The following BORCS5 variants were observed in gnomAD, a reference collection of about 807,000 sequenced individuals.
BORCS5 encodes the protein BLOC-1-related complex subunit 5.
In BORCS5, 17 loss-of-function variants were observed where a neutral mutation model predicts 22.1. That is an observed-to-expected ratio of 0.77 (90% CI 0.53 to 1.15). The LOEUF (loss-of-function observed/expected upper bound fraction) is 1.15, where lower values mean the gene tolerates loss of function less well. Ranked by LOEUF, BORCS5 falls within the 50% of genes most tolerant of loss-of-function variation. The pLI, the probability that BORCS5 is intolerant of heterozygous loss-of-function variation, is 0.00. For synonymous variants in BORCS5, 117 were observed against 99.8 expected, an observed-to-expected ratio of 1.17 and a Z score of -1.03; for missense variants, 247 against 253.2, an observed-to-expected ratio of 0.98 and a Z score of 0.17.
At chr12:12,432,716 T>G (rs1021309836) in intron 2 of BORCS5, among the ~76,000 whole-genome samples, 2 of 152,232 alleles carry the variant, frequency 1.3e-5, no homozygotes, top group African/African-American at 4.8e-5. Flanking sequence ...ACCATTGATA[T>G]ATCAACAACA....
rs544670563 is a variant in BORCS5, at chr12:12,399,268, A to G, written c.203-36360A>G. 6.6e-5 allele frequency among the ~76,000 whole-genome samples: 10 copies of G among 152,228 alleles called. No individual in the cohort carries two copies. In the South Asian group the frequency reaches 2.1e-3, roughly 32 times the overall value. Reference sequence around the variant, plus strand: ...GTGAATTTCAGGGAAAAACAACAGTATTGGGGGAAAAAGTTTGGAAAAATT... The same window carrying G: ...GTGAATTTCAGGGAAAAACAACAGTGTTGGGGGAAAAAGTTTGGAAAAATT... On this transcript the variant is annotated intron_variant, in intron 2 of 3. Transcript: ENST00000314565.
rs940016993 is a variant in BORCS5 at position 12,435,564 on chromosome 12, C to G, written c.203-64C>G. 8.7e-6 allele frequency: 12 copies of G among 1,382,264 alleles called. No homozygotes were observed. The South Asian group carries it at 1.6e-4, about 18-fold the overall frequency. 85.6% of individuals were successfully genotyped at this position (1,382,264 alleles called of 1,614,324 possible). ...CCCTGTCTTCAGTGAACTTGTTAAA[C>G]TACTTTATTCACAAGTTTATTAGCA... is the stretch of plus-strand genomic sequence containing the variant. On this transcript the variant is annotated intron_variant, in intron 2 of 3. Transcript: ENST00000314565.
chr12:12,436,867 T>G (rs185481458), intron 3 of BORCS5, among the ~76,000 whole-genome samples: 1 of 152,368 alleles, frequency 6.6e-6, no homozygotes, highest in East Asian at 1.9e-4. Context: ...GGAAAACTAT[T>G]AAACATGACC....
At chr12:12,464,191 T>A (rs2136164504) in intron 3 of BORCS5, among the ~76,000 whole-genome samples, 1 of 139,268 alleles carries the variant, frequency 7.2e-6, no homozygotes, top group Middle Eastern at 3.6e-3. Flanking sequence ...TTGGAGTTTC[T>A]CACTCCCATG....
chr12:12,407,256 A>G (rs1378874137), intron 2 of BORCS5, among the ~76,000 whole-genome samples: 1 of 152,208 alleles, frequency 6.6e-6, no homozygotes, highest in East Asian at 1.9e-4. Flanking sequence ...CTTCCCTTAC[A>G]AACATAAAAT....
chr12:12,411,681 A>C (rs1206222841), intron 2 of BORCS5, among the ~76,000 whole-genome samples: 1 of 152,166 alleles, frequency 6.6e-6, no homozygotes, highest in South Asian at 2.1e-4. Flanking sequence ...ATTGTTGCCC[A>C]ATTCAGTGTC....
chr12:12,384,196 G>A (rs1245522513), intron 2 of BORCS5, among the ~76,000 whole-genome samples: 1 of 150,794 alleles, frequency 6.6e-6, no homozygotes, highest in South Asian at 2.1e-4. Flanking sequence ...TTGCCCGGCT[G>A]GTCTCAAACT....
chr12:12,359,029 C>G (rs1446655196), intron 1 of BORCS5, among the ~76,000 whole-genome samples: 1 of 152,134 alleles, frequency 6.6e-6, no homozygotes, highest in Non-Finnish European at 1.5e-5. Context: ...CCTTCTAGAG[C>G]ATAAAACACT....
At chr12:12,387,585 A>T (rs1366657100) in intron 2 of BORCS5, among the ~76,000 whole-genome samples, 1 of 151,500 alleles carries the variant, frequency 6.6e-6, no homozygotes, top group Admixed American at 6.6e-5. Flanking sequence ...GACCCCCAGA[A>T]TTGGCATAGT....
intron 3 of BORCS5, among the ~76,000 whole-genome samples, chr12:12,458,048 T>G (rs1412269490): frequency 3.3e-5 from 5 of 152,250 alleles, no homozygotes; most frequent in Non-Finnish European, 5.9e-5. Flanking sequence ...TTTTTTTCTT[T>G]CCACACTGTG....
intron 2 of BORCS5, among the ~76,000 whole-genome samples, chr12:12,409,555 G>C (rs1941672142): frequency 1.3e-5 from 2 of 152,118 alleles, no homozygotes; most frequent in Admixed American, 1.3e-4. Context: ...CAAAGGACAT[G>C]AACTCATCAT....
At chr12:12,411,032 T>G (rs1302299567) in intron 2 of BORCS5, among the ~76,000 whole-genome samples, 1 of 152,218 alleles carries the variant, frequency 6.6e-6, no homozygotes, top group Non-Finnish European at 1.5e-5. Context: ...GTTTGTCTGT[T>G]ATTGGTGTAT....
intron 2 of BORCS5, among the ~76,000 whole-genome samples, chr12:12,419,151 C>T (rs1239931430): frequency 2.6e-5 from 4 of 152,098 alleles, no homozygotes; most frequent in East Asian, 1.9e-4. Context: ...CCCACCAACT[C>T]GTCATTTACA....
rs1409192855 is a variant in BORCS5, at chr12:12,468,739, T to C, written c.*2963T>C. ...TTCTTTCTAGAGCCTGTTTTGCTTATCTTGCAATCTGTTCATTTCTGTTGA... is the reference window on the plus strand; with the variant it reads ...TTCTTTCTAGAGCCTGTTTTGCTTACCTTGCAATCTGTTCATTTCTGTTGA... On this transcript the variant is annotated 3_prime_UTR_variant, in exon 4 of 4. Coordinates refer to ENST00000314565, the MANE Select transcript of BORCS5 (RefSeq NM_058169.6). The C allele has an allele frequency of 1.3e-5, 2 of 152,246 alleles. No individual in the cohort carries two copies. The highest frequency in any genetic ancestry group is 3.8e-4 in the East Asian group (2 of 5,204). The allele number at this position is 152,246 out of a possible 1,614,324, so 9.4% of individuals were successfully genotyped here. A position where few individuals can be genotyped will look rare whatever the true frequency, so the allele number is the denominator to read the frequency against.
intron 2 of BORCS5, among the ~76,000 whole-genome samples, chr12:12,421,648 C>G (rs1369326584): frequency 1.3e-5 from 2 of 152,158 alleles, no homozygotes; most frequent in Non-Finnish European, 2.9e-5. Flanking sequence ...CTTTGTACCT[C>G]TGGTAGAATT....
intron 3 of BORCS5, among the ~76,000 whole-genome samples, chr12:12,450,200 C>T (rs962307272): frequency 6.6e-6 from 1 of 152,226 alleles, no homozygotes; most frequent in African/African-American, 2.4e-5. Context: ...CTGGCCCCAT[C>T]AGTCCCAGCT....
intron 3 of BORCS5, among the ~76,000 whole-genome samples, chr12:12,458,409 T>TC (rs1943037617): frequency 6.6e-6 from 1 of 152,236 alleles, no homozygotes; most frequent in Non-Finnish European, 1.5e-5. Flanking sequence ...TGTTGAATTA[T>TC]AAGAGTTATT....
chr12:12,396,472 A>G (rs1485637735), intron 2 of BORCS5, among the ~76,000 whole-genome samples: 1 of 152,082 alleles, frequency 6.6e-6, no homozygotes, highest in East Asian at 1.9e-4. Flanking sequence ...ATGGTAGGGA[A>G]TGGGAGGGGC....
At chr12:12,432,483 C>T (rs928533951) in intron 2 of BORCS5, among the ~76,000 whole-genome samples, 1 of 152,166 alleles carries the variant, frequency 6.6e-6, no homozygotes. Flanking sequence ...TAAAACTAAA[C>T]ATGCAATTAC....
Sources: allele counts gnomAD v4.1 joint callset (sites outside exome capture counted in the v4.1 genomes callset), GRCh38; gene constraint gnomAD v4.1.1; transcripts MANE v1.5; gene names NCBI Gene and HGNC (gene_info 2026-07-23, HGNC 2026-07-21).